HSD17B3: variants seen among roughly 807,000 people sequenced by gnomAD.
HSD17B3 encodes the protein hydroxysteroid 17-beta dehydrogenase 3, also known as 17-beta-hydroxysteroid dehydrogenase type 3.
In HSD17B3, 29 loss-of-function variants were observed where a neutral mutation model predicts 41.1. The observed-to-expected ratio is 0.71, with a 90% CI of 0.53 to 0.96. The LOEUF (loss-of-function observed/expected upper bound fraction) is 0.96, where lower values mean the gene tolerates loss of function less well. HSD17B3 is among the 40% of genes least tolerant of loss of function. The pLI is 0.00. For synonymous variants in HSD17B3, 126 were observed against 145.6 expected (o/e 0.87, Z 0.97); for missense variants, 323 against 374.6 (o/e 0.86, Z 1.14).
Position 96,293,071 on chromosome 9 carries a change from A to C in HSD17B3, c.201+5345T>G, listed in dbSNP as rs1314627058. Among the ~76,000 whole-genome samples the C allele has an allele frequency of 2.0e-5, 3 of 152,250 alleles. No individual in the cohort carries two copies. The East Asian group carries it at 5.8e-4, about 29-fold the overall frequency. ...CTATAAACAGAAATAAAGTGACTTA[A>C]AAAGGAATCTTGGGACATTGGGAAG... On this transcript the variant is annotated intron_variant, in intron 2 of 10. Transcript: ENST00000375263.
rs765172482 is a variant in HSD17B3 at position 96,252,923 on chromosome 9, C to T, written c.278-13G>A. ...CCTGTAGTCCGCTCTACACGAGAGA[C>T]AACAGTTTTTTTAATGAACAGGGAT... On this transcript the variant is annotated splice_polypyrimidine_tract_variant and intron_variant, in intron 3 of 10. Transcript: ENST00000375263. 7.1e-6 allele frequency: 11 copies of T among 1,558,760 alleles called. No homozygotes were observed. The highest frequency in any genetic ancestry group is 8.8e-6 in the Non-Finnish European group (10 of 1,129,996).
intron 2 of HSD17B3, among the ~76,000 whole-genome samples, chr9:96,291,317 A>G (rs1827147178): frequency 6.6e-6 from 1 of 151,864 alleles, no homozygotes; most frequent in Non-Finnish European, 1.5e-5. Context: ...CCAGAGTGGT[A>G]TCAGCAGAGG....
At chr9:96,263,033 T>C (rs1466198004) in intron 2 of HSD17B3, among the ~76,000 whole-genome samples, 1 of 152,216 alleles carries the variant, frequency 6.6e-6, no homozygotes, top group Non-Finnish European at 1.5e-5. Flanking sequence ...GTAAGCAGGA[T>C]AGGATGGGCA....
intron 2 of HSD17B3, among the ~76,000 whole-genome samples, chr9:96,279,168 G>A (rs1826589494): frequency 6.6e-6 from 1 of 152,224 alleles, no homozygotes; most frequent in African/African-American, 2.4e-5. Context: ...AATCCATGCT[G>A]AAGTTTATTT....
chr9:96,285,118 C>T (rs997893328), intron 2 of HSD17B3, among the ~76,000 whole-genome samples: 1 of 152,074 alleles, frequency 6.6e-6, no homozygotes, highest in African/African-American at 2.4e-5. Context: ...GGATTACAGG[C>T]GTGAGCCACT....
At chr9:96,238,777 G>A (rs942910448) in intron 10 of HSD17B3, among the ~76,000 whole-genome samples, 1 of 152,222 alleles carries the variant, frequency 6.6e-6, no homozygotes, top group Non-Finnish European at 1.5e-5. Flanking sequence ...GCCTAGGCTG[G>A]GGGCTGAAGG....
rs7869083 is a variant in HSD17B3, at chr9:96,247,066, T to C, written c.490-476A>G. Among the ~76,000 whole-genome samples, 1,248 of 152,284 alleles carry C rather than the reference T, an allele frequency of 8.2e-3. 15 individuals carry two copies. Among genetic ancestry groups the C allele is most frequent in the African/African-American group, 0.028 (1,176 of 41,570 alleles). On this transcript the variant is annotated intron_variant, in intron 6 of 10. Coordinates refer to ENST00000375263, the MANE Select transcript of HSD17B3 (RefSeq NM_000197.2). The stretch of plus-strand genomic sequence containing the variant: ...GCTTACGCAGCCTGCAGCTAGGCTA[T>C]GAAATAGCTCCGTGGACACAGTGCA...
At chr9:96,259,419 T>C (rs1825780505) in intron 2 of HSD17B3, among the ~76,000 whole-genome samples, 1 of 152,196 alleles carries the variant, frequency 6.6e-6, no homozygotes, top group Non-Finnish European at 1.5e-5. Flanking sequence ...TAGAAGGGAA[T>C]ACATTCAAAA....
rs573023874 is a variant in HSD17B3, at chr9:96,245,258, T to G, written c.606+87A>C. On this transcript the variant is annotated intron_variant, in intron 8 of 10. Transcript: ENST00000375263. ...GAGCATCTCCAGGTAAACCTTTCCA[T>G]CAACTTGCCAGATGATCAAAGGAAA... 3.9e-6 allele frequency: 4 copies of G among 1,028,822 alleles called. No individual in the cohort carries two copies. In the African/African-American group the frequency reaches 4.7e-5, roughly 12 times the overall value. 63.7% of individuals were successfully genotyped at this position (1,028,822 alleles called of 1,614,324 possible). A position where few individuals can be genotyped will look rare whatever the true frequency, so the allele number is the denominator to read the frequency against.
At chr9:96,296,401 A>G (rs1340805357) in intron 2 of HSD17B3, among the ~76,000 whole-genome samples, 1 of 152,192 alleles carries the variant, frequency 6.6e-6, no homozygotes, top group Non-Finnish European at 1.5e-5. Context: ...TGGACTTCCC[A>G]GCCTCCAGAA....
chr9:96,281,087 C>G (rs1195105725), intron 2 of HSD17B3, among the ~76,000 whole-genome samples: 1 of 152,010 alleles, frequency 6.6e-6, no homozygotes, highest in Non-Finnish European at 1.5e-5. Context: ...ATGGACTCAC[C>G]CTGAATTCTT....
At chr9:96,295,494 C>T (rs1827325760) in intron 2 of HSD17B3, among the ~76,000 whole-genome samples, 1 of 151,918 alleles carries the variant, frequency 6.6e-6, no homozygotes, top group Admixed American at 6.6e-5. Flanking sequence ...GCCACCACAC[C>T]CAGCTAATTT....
chr9:96,246,366 G>A, intron 7 of HSD17B3, 190 bp downstream of exon 7: 1 of 658,146 alleles, frequency 1.5e-6, no homozygotes. Flanking sequence ...ACATGAGCTT[G>A]TCTGTCTGCA....
chr9:96,246,035 T>C (rs1836648967), intron 7 of HSD17B3, among the ~76,000 whole-genome samples: 2 of 152,220 alleles, frequency 1.3e-5, no homozygotes. Flanking sequence ...GCCAAGCCCC[T>C]TCTTCCTCTA....
chr9:96,296,272 A>C (rs1827355520), intron 2 of HSD17B3, among the ~76,000 whole-genome samples: 2 of 152,070 alleles, frequency 1.3e-5, no homozygotes, highest in South Asian at 4.1e-4. Context: ...AAGAAACATC[A>C]GAGAGTTTGC....
intron 2 of HSD17B3, among the ~76,000 whole-genome samples, chr9:96,290,442 T>G (rs1455972732): frequency 1.1e-4 from 15 of 141,452 alleles, no homozygotes; most frequent in African/African-American, 3.6e-4. Context: ...AAGGGCACTG[T>G]GGTATTTCCT....
chr9:96,235,671 G>A (rs1836208900), intron 10 of HSD17B3, 101 bp from the exon 11 acceptor site: 1 of 923,058 alleles, frequency 1.1e-6, no homozygotes, highest in Admixed American at 2.0e-5. Flanking sequence ...CTACTAAAGT[G>A]GAGCCCCAGA....
At chr9:96,236,512 G>C (rs1564019494) in intron 10 of HSD17B3, among the ~76,000 whole-genome samples, 1 of 98,090 alleles carries the variant, frequency 1.0e-5, no homozygotes, top group South Asian at 3.2e-4. Context: ...GCGAGAGTCT[G>C]TCATAAATAA....
chr9:96,257,395 G>A lies in HSD17B3; in HGVS notation c.202-2452C>T, dbSNP rs114842630. Among the ~76,000 whole-genome samples, 356 of 133,944 alleles carry A rather than the reference G, an allele frequency of 2.7e-3. 3 individuals carry two copies. Among genetic ancestry groups the A allele is most frequent in the African/African-American group, 8.9e-3 (324 of 36,538 alleles). 87.9% of individuals were successfully genotyped at this position (133,944 alleles called of 152,430 possible). A position where few individuals can be genotyped will look rare whatever the true frequency, so the allele number is the denominator to read the frequency against. On this transcript the variant is annotated intron_variant, in intron 2 of 10. Coordinates refer to ENST00000375263, the MANE Select transcript of HSD17B3 (RefSeq NM_000197.2). The stretch of plus-strand genomic sequence containing the variant: ...AGTCTGCCCCCCTGCCCATTTCCCC[G>A]CCCACCCCTAGGCTCCCACCACCTT...
Sources: gnomAD v4.1 joint callset for allele counts (sites outside exome capture counted in the v4.1 genomes callset) on GRCh38, gnomAD v4.1.1 for gene constraint, MANE v1.5 for transcripts, NCBI Gene and HGNC (gene_info 2026-07-23, HGNC 2026-07-21) for gene names.